TRHDE: variants seen among roughly 807,000 people sequenced by gnomAD.
The protein encoded by TRHDE is thyrotropin releasing hormone degrading enzyme.
In TRHDE, 72 loss-of-function variants were observed where a neutral mutation model predicts 125.7. The observed-to-expected ratio is 0.57, with a 90% CI of 0.47 to 0.70. The LOEUF (loss-of-function observed/expected upper bound fraction) is 0.70, where lower values mean the gene tolerates loss of function less well. Ranked by LOEUF, TRHDE falls within the 30% of genes least tolerant of loss-of-function variation. The pLI is 0.00. For missense variants in TRHDE, 1,110 were observed against 1,327.1 expected (o/e 0.84, Z 2.54); for synonymous variants, 509 against 509.1 (o/e 1.00, Z 0.00).
chr12:72,236,600 C>A (rs569688761), intron 2 of TRHDE, among the ~76,000 whole-genome samples: 1 of 152,170 alleles, frequency 6.6e-6, no homozygotes, highest in East Asian at 1.9e-4. Context: ...TAGCATAAAT[C>A]ATTGCTTCAG....
In TRHDE at chr12:72,272,403, T is replaced by C. The variant is rs551938244; in HGVS notation, c.-241T>C. The C allele has an allele frequency of 7.3e-6, 3 of 410,404 alleles. No homozygotes were observed. The East Asian group carries it at 1.6e-4, about 22-fold the overall frequency. The allele number at this position is 410,404 out of a possible 1,614,324, so 25.4% of individuals were successfully genotyped here. ...GCGCGCGCTGGGCAAGCAAGACGCT[T>C]TCCAAGTTGGGCGCGTCCCAGAGCT... On this transcript the variant is annotated 5_prime_UTR_variant, in exon 1 of 19. Coordinates refer to ENST00000261180, the MANE Select transcript of TRHDE (RefSeq NM_013381.3). This position sits in a 1 kb window ranked among gnomAD's most constrained non-coding sequence, Gnocchi z 6.7.
rs112774053 is a variant in TRHDE at position 72,469,093 on chromosome 12, T to C, written c.1316-665T>C. Among the ~76,000 whole-genome samples the C allele has an allele frequency of 1.7e-3, 252 of 152,264 alleles. 2 individuals carry two copies. The highest frequency in any genetic ancestry group is 5.9e-3 in the African/African-American group (247 of 41,554). ...GAGATAATTAAGGCTAATGACCTTA[T>C]TTCATAGGTGAGGGAATTGTGGTCT... On this transcript the variant is annotated intron_variant, in intron 3 of 18. Transcript: ENST00000261180.
At chr12:72,622,679 T>C (rs1464323919) in intron 15 of TRHDE, among the ~76,000 whole-genome samples, 1 of 152,088 alleles carries the variant, frequency 6.6e-6, no homozygotes, top group East Asian at 1.9e-4. Flanking sequence ...AGAACCGCAG[T>C]CAGTATAACC....
intron 3 of TRHDE, among the ~76,000 whole-genome samples, chr12:72,449,213 A>G (rs1875451702): frequency 2.0e-5 from 3 of 152,052 alleles, no homozygotes. Context: ...TTATGTTTGA[A>G]ATAGAGGTCT....
At chr12:72,102,461 T>C (rs114397255) in intron 1 of TRHDE, among the ~76,000 whole-genome samples, 1,709 of 152,298 alleles carry the variant, frequency 0.011, 31 homozygotes, top group African/African-American at 0.039. Context: ...CCTAAACCCA[T>C]AGGCCTGAGT....
intron 3 of TRHDE, among the ~76,000 whole-genome samples, chr12:72,458,161 T>C (rs970443248): frequency 6.6e-6 from 1 of 152,196 alleles, no homozygotes; most frequent in Non-Finnish European, 1.5e-5. Context: ...TATATCTGTG[T>C]AAAATATTTT....
intron 7 of TRHDE, among the ~76,000 whole-genome samples, chr12:72,543,523 T>A: frequency 6.6e-6 from 1 of 151,382 alleles, no homozygotes; most frequent in East Asian, 1.9e-4. Context: ...TCTCAAGGAG[T>A]ATCCTTCATG....
rs186266722 is a variant in TRHDE, at chr12:72,580,289, A to T, written c.2321+4747A>T. On this transcript the variant is annotated intron_variant, in intron 12 of 18. Transcript: ENST00000261180. ...TTTGAAAAGGTATATGCTGCTTTAC[A>T]GTCTGGCACTGTTTTCACACTTATA... Among the ~76,000 whole-genome samples, 15 of 152,322 alleles carry T rather than the reference A, an allele frequency of 9.8e-5. No individual in the cohort carries two copies. The East Asian group carries it at 2.9e-3, about 29-fold the overall frequency.
At chr12:72,143,879 G>T (rs991201200) in intron 2 of TRHDE, among the ~76,000 whole-genome samples, 2 of 152,120 alleles carry the variant, frequency 1.3e-5, no homozygotes, top group South Asian at 4.1e-4. Context: ...CCCCAAATAC[G>T]TTTCAAGTGT....
chr12:72,318,270 G>T (rs970608370), intron 2 of TRHDE, among the ~76,000 whole-genome samples: 9 of 152,122 alleles, frequency 5.9e-5, no homozygotes, highest in African/African-American at 2.2e-4. Context: ...GTACATTCTA[G>T]ATAAAGGTCT....
chr12:72,172,710 GT>G (rs1876899836), intron 2 of TRHDE, among the ~76,000 whole-genome samples: 1 of 152,154 alleles, frequency 6.6e-6, no homozygotes, highest in Non-Finnish European at 1.5e-5. Context: ...CATAACTAAA[GT>G]TTTCATCAGT....
intron 2 of TRHDE, among the ~76,000 whole-genome samples, chr12:72,238,203 G>A (rs1878373748): frequency 6.9e-6 from 1 of 144,320 alleles, no homozygotes; most frequent in Admixed American, 7.1e-5. Flanking sequence ...AATAAGTTAG[G>A]TGAGAAAAGA....
chr12:72,358,858 CATACTT>C (rs1359073453), intron 2 of TRHDE, among the ~76,000 whole-genome samples: 1 of 151,426 alleles, frequency 6.6e-6, no homozygotes, highest in East Asian at 1.9e-4. Context: ...ATTTCATGCT[CATACTT>C]ATAAAACTTA....
At position 72,238,327 on chromosome 12, in the gene TRHDE, T is replaced by C. The variant is rs12828651; in HGVS notation, n.279+132575T>C. Among the ~76,000 whole-genome samples, 163 of 32,928 alleles carry C rather than the reference T, an allele frequency of 5.0e-3. 22 individuals carry two copies. The highest frequency in any genetic ancestry group is 0.034 in the Middle Eastern group (2 of 58). 21.6% of individuals were successfully genotyped at this position (32,928 alleles called of 152,430 possible). A position where few individuals can be genotyped will look rare whatever the true frequency, so the allele number is the denominator to read the frequency against. ...ATATATATATATATATATATACATA[T>C]ATATATACACATTATATATATATAT... On this transcript the variant is annotated intron_variant and non_coding_transcript_variant, in intron 2 of 4. Coordinates refer to the TRHDE transcript ENST00000548156.
intron 12 of TRHDE, among the ~76,000 whole-genome samples, chr12:72,589,120 C>G (rs942909559): frequency 6.6e-6 from 1 of 152,110 alleles, no homozygotes; most frequent in African/African-American, 2.4e-5. Flanking sequence ...TGGTAAGGAT[C>G]AAGAGATGCC....
rs939430649 is a variant in TRHDE, at chr12:72,110,536, T to C, written n.279+4784T>C. ...CTGTCTGTTGTGAATTTCTTTGTTA[T>C]TCAACGCTAATTTCTACATAACATA... On this transcript the variant is annotated intron_variant and non_coding_transcript_variant, in intron 2 of 4. Transcript: ENST00000548156. 2.0e-5 allele frequency among the ~76,000 whole-genome samples: 3 copies of C among 152,126 alleles called. No individual in the cohort carries two copies. The East Asian group carries it at 5.8e-4, about 29-fold the overall frequency.
At chr12:72,372,269 C>T (rs990565341) in intron 2 of TRHDE, among the ~76,000 whole-genome samples, 7 of 151,628 alleles carry the variant, frequency 4.6e-5, no homozygotes, top group Non-Finnish European at 8.8e-5. Flanking sequence ...TGTTTGAGTT[C>T]ATTGTAGATT....
intron 12 of TRHDE, among the ~76,000 whole-genome samples, chr12:72,591,385 C>T (rs1871674367): frequency 6.6e-6 from 1 of 151,998 alleles, no homozygotes; most frequent in Non-Finnish European, 1.5e-5. Context: ...ACAATTTACC[C>T]CACCAAATAA....
chr12:72,520,444 G>A (rs1879134983), intron 6 of TRHDE, among the ~76,000 whole-genome samples: 2 of 152,164 alleles, frequency 1.3e-5, no homozygotes, highest in South Asian at 2.1e-4. Context: ...CTAGGAAAGG[G>A]AACTCCCTGA....
Sources: allele counts gnomAD v4.1 joint callset (sites outside exome capture counted in the v4.1 genomes callset), GRCh38; gene constraint gnomAD v4.1.1; non-coding constraint Gnocchi (gnomAD v3.1); transcripts MANE v1.5; gene names NCBI Gene and HGNC (gene_info 2026-07-23, HGNC 2026-07-21).